The following SLC44A1 variants were observed in gnomAD, a reference collection of about 807,000 sequenced individuals.
SLC44A1 encodes choline transporter-like protein 1.
In SLC44A1, 26 loss-of-function variants were observed where a neutral mutation model predicts 79.3. That is an observed-to-expected ratio of 0.33 (90% CI 0.24 to 0.46). SLC44A1 has a LOEUF of 0.46. SLC44A1 is among the 20% of genes least tolerant of loss of function. The pLI, the probability that SLC44A1 is intolerant of heterozygous loss-of-function variation, is 1.00. For missense variants in SLC44A1, 688 were observed against 798.1 expected, an observed-to-expected ratio of 0.86 and a Z score of 1.66; for synonymous variants, 263 against 286.2, an observed-to-expected ratio of 0.92 and a Z score of 0.82.
At chr9:105,381,310 CG>C (rs1828456417) in intron 13 of SLC44A1, among the ~76,000 whole-genome samples, 1 of 151,752 alleles carries the variant, frequency 6.6e-6, no homozygotes, top group African/African-American at 2.4e-5. Context: ...GAGGCCCTGG[CG>C]GGCGGATCAC....
At chr9:105,408,422 T>C (rs1829056423) in intron 15 of SLC44A1, among the ~76,000 whole-genome samples, 1 of 152,070 alleles carries the variant, frequency 6.6e-6, no homozygotes, top group African/African-American at 2.4e-5. Context: ...TTGTTGTTGT[T>C]GTATTTGAGA....
At chr9:105,250,226 A>G (rs867176457) in intron 1 of SLC44A1, among the ~76,000 whole-genome samples, 2 of 152,120 alleles carry the variant, frequency 1.3e-5, no homozygotes, top group Non-Finnish European at 1.5e-5. Flanking sequence ...AAAATTTTGA[A>G]TTAAGGAATT....
At chr9:105,375,594 G>A (rs1446561826) in intron 13 of SLC44A1, among the ~76,000 whole-genome samples, 1 of 152,136 alleles carries the variant, frequency 6.6e-6, no homozygotes, top group Non-Finnish European at 1.5e-5. Context: ...CTAGGAGAGT[G>A]CTTGACACAT....
intron 5 of SLC44A1, 76 bp from the exon 6 acceptor site, chr9:105,356,136 C>T: frequency 8.7e-7 from 1 of 1,144,718 alleles, no homozygotes; most frequent in Non-Finnish European, 1.3e-6. Flanking sequence ...ATTCACCTTT[C>T]ATTTGTGTGT....
At position 105,379,720 on chromosome 9, in the gene SLC44A1, A is replaced by G. The variant is rs985255155; in HGVS notation, c.1633-3403A>G. ...ACTTGTAACATATGGTCACTGGCCA[A>G]TAGGGTCCTAAAGGTAAGAATAGAG... On this transcript the variant is annotated intron_variant, in intron 13 of 15. Coordinates refer to ENST00000374720, the MANE Select transcript of SLC44A1 (RefSeq NM_080546.5). 3.9e-5 allele frequency among the ~76,000 whole-genome samples: 6 copies of G among 152,212 alleles called. No individual in the cohort carries two copies. The South Asian group carries it at 6.2e-4, about 16-fold the overall frequency.
rs1208880364 is a variant in SLC44A1 at position 105,396,939 on chromosome 9, A to T, written c.*7883A>T. 1.0e-6 allele frequency: 1 copy of T among 985,130 alleles called. No individual in the cohort carries two copies. Among genetic ancestry groups the T allele is most frequent in the African/African-American group, 1.7e-5 (1 of 57,224 alleles). The allele number at this position is 985,130 out of a possible 1,614,324, so 61.0% of individuals were successfully genotyped here. On this transcript the variant is annotated 3_prime_UTR_variant, in exon 16 of 16. Coordinates refer to ENST00000374720, the MANE Select transcript of SLC44A1 (RefSeq NM_080546.5). ...GGGGAACAAACATGTAGGTGCTTGA[A>T]CATGCCCCACAGACACAGTTGTAGC...
In SLC44A1 at chr9:105,385,606, T is replaced by C; in HGVS notation, c.1950+104T>C. The stretch of plus-strand genomic sequence containing the variant: ...ACTTCTTCAGGAGAAGCTTTTGTTA[T>C]CTGTATCACGCAGGACATGCTGCTC... On this transcript the variant is annotated intron_variant, in intron 15 of 15. Coordinates refer to ENST00000374720, the MANE Select transcript of SLC44A1 (RefSeq NM_080546.5). 6 of 1,517,432 alleles carry C rather than the reference T, an allele frequency of 4.0e-6. No homozygotes were observed. In the South Asian group the frequency reaches 6.3e-5, roughly 16 times the overall value. The allele number at this position is 1,517,432 out of a possible 1,614,324, so 94.0% of individuals were successfully genotyped here. A position where few individuals can be genotyped will look rare whatever the true frequency, so the allele number is the denominator to read the frequency against.
At chr9:105,397,977 G>T (rs556504233), downstream of SLC44A1, among the ~76,000 whole-genome samples, 14 of 151,966 alleles carry the variant, frequency 9.2e-5, no homozygotes, top group African/African-American at 3.1e-4. Flanking sequence ...AAAAAGAAAA[G>T]AAAAGCCTCC....
chr9:105,379,592 TAAA>T (rs1169295385), intron 13 of SLC44A1, among the ~76,000 whole-genome samples: 1 of 151,878 alleles, frequency 6.6e-6, no homozygotes, highest in African/African-American at 2.4e-5. Flanking sequence ...AATTTAAAAA[TAAA>T]AAAAAGACAT....
At chr9:105,256,291 C>T (rs1034127508) in intron 1 of SLC44A1, among the ~76,000 whole-genome samples, 3 of 152,170 alleles carry the variant, frequency 2.0e-5, no homozygotes, top group Middle Eastern at 3.2e-3. Flanking sequence ...GAATTACAGG[C>T]ATGAGCCACC....
At chr9:105,436,530 A>T (rs1040838473) in intron 15 of SLC44A1, among the ~76,000 whole-genome samples, 10 of 152,168 alleles carry the variant, frequency 6.6e-5, no homozygotes, top group Non-Finnish European at 1.2e-4. Context: ...ACAGTGAGCT[A>T]TGATCATGCC....
intron 3 of SLC44A1, among the ~76,000 whole-genome samples, chr9:105,317,519 C>T (rs1435476094): frequency 3.3e-5 from 5 of 151,866 alleles, no homozygotes; most frequent in African/African-American, 4.8e-5. Context: ...GGTGATTGGA[C>T]GAAGAGGTGA....
At chr9:105,344,639 A>AT (rs1366969722) in intron 4 of SLC44A1, among the ~76,000 whole-genome samples, 1 of 152,048 alleles carries the variant, frequency 6.6e-6, no homozygotes, top group East Asian at 1.9e-4. Context: ...CAGTTATTTC[A>AT]TTTTTTCTCC....
At chr9:105,308,646 T>C (rs1831095595) in intron 2 of SLC44A1, among the ~76,000 whole-genome samples, 1 of 152,248 alleles carries the variant, frequency 6.6e-6, no homozygotes, top group Non-Finnish European at 1.5e-5. Flanking sequence ...ATGAGTATAG[T>C]ATTTTCCACT....
rs112408396 is a variant in SLC44A1 at position 105,395,200 on chromosome 9, G to C, written c.*6144G>C. 1.0e-3 allele frequency: 985 copies of C among 985,106 alleles called. 7 individuals carry two copies. The African/African-American group carries it at 0.016, about 16-fold the overall frequency. The allele number at this position is 985,106 out of a possible 1,614,324, so 61.0% of individuals were successfully genotyped here. A position where few individuals can be genotyped will look rare whatever the true frequency, so the allele number is the denominator to read the frequency against. On this transcript the variant is annotated 3_prime_UTR_variant, in exon 16 of 16. Transcript: ENST00000374720. ...TACCCCACCCCACACTCCTAGAAAA[G>C]TTTGGGGGTTTTTTTTGTTTGTTTT...
At chr9:105,256,595 C>T (rs940549050) in intron 1 of SLC44A1, among the ~76,000 whole-genome samples, 5 of 147,110 alleles carry the variant, frequency 3.4e-5, no homozygotes, top group African/African-American at 5.1e-5. Flanking sequence ...CAGGGTCTCT[C>T]TCTGTCACCC....
Position 105,394,895 on chromosome 9 carries a change from C to G in SLC44A1, c.*5839C>G. 1.0e-6 allele frequency: 1 copy of G among 985,456 alleles called. No individual in the cohort carries two copies. 61.0% of individuals were successfully genotyped at this position (985,456 alleles called of 1,614,324 possible). A position where few individuals can be genotyped will look rare whatever the true frequency, so the allele number is the denominator to read the frequency against. ...TTCAGATTCCTCTGCCAATAGAACT[C>G]CACCCCCAGTCCCTTACCTACTCTA... is the stretch of plus-strand genomic sequence containing the variant. On this transcript the variant is annotated 3_prime_UTR_variant, in exon 16 of 16. Transcript: ENST00000374720.
At chr9:105,400,217 G>A (rs1479706042), downstream of SLC44A1, among the ~76,000 whole-genome samples, 1 of 151,822 alleles carries the variant, frequency 6.6e-6, no homozygotes, top group East Asian at 1.9e-4. Context: ...AAGGCTGGGC[G>A]CGGTGGCTCA....
intron 3 of SLC44A1, among the ~76,000 whole-genome samples, chr9:105,315,652 T>C (rs896057443): frequency 6.6e-6 from 1 of 152,214 alleles, no homozygotes; most frequent in South Asian, 2.1e-4. Context: ...GAGAATATTA[T>C]TCTTTAATTA....
Sources: allele counts gnomAD v4.1 joint callset (sites outside exome capture counted in the v4.1 genomes callset), GRCh38; gene constraint gnomAD v4.1.1; transcripts MANE v1.5; gene names NCBI Gene and HGNC (gene_info 2026-07-23, HGNC 2026-07-21).